DSCAM: variants seen among roughly 807,000 people sequenced by gnomAD.
DSCAM encodes cell adhesion molecule DSCAM.
In DSCAM, 47 loss-of-function variants were observed where a neutral mutation model predicts 217.7. The ratio of observed to expected loss-of-function variants is 0.22; its 90% confidence interval spans 0.17 to 0.28. The LOEUF (loss-of-function observed/expected upper bound fraction) is 0.28. Among genes scored for constraint, DSCAM ranks in the 10% least tolerant of loss-of-function variants. The pLI is 1.00. For synonymous variants in DSCAM, 1,056 were observed against 1,015.3 expected, an observed-to-expected ratio of 1.04 and a Z score of -0.76; for missense variants, 2,080 against 2,618.3, an observed-to-expected ratio of 0.79 and a Z score of 4.49.
At chr21:40,733,593 C>T (rs942397351) in intron 1 of DSCAM, among the ~76,000 whole-genome samples, 1 of 152,182 alleles carries the variant, frequency 6.6e-6, no homozygotes, top group African/African-American at 2.4e-5. Context: ...AGAAACCTTG[C>T]CTCTGAGCAT....
intron 3 of DSCAM, among the ~76,000 whole-genome samples, chr21:40,386,768 A>C (rs1333362817): frequency 2.0e-5 from 3 of 152,084 alleles, no homozygotes; most frequent in Non-Finnish European, 4.4e-5. Flanking sequence ...CTCCACTTAA[A>C]AGTGGAAACA....
rs1317090182 is a variant in DSCAM, at chr21:40,740,253, T to G, written c.44-31482A>C. Among the ~76,000 whole-genome samples the G allele has an allele frequency of 6.6e-5, 10 of 152,188 alleles. No homozygotes were observed. The East Asian group carries it at 1.7e-3, about 26-fold the overall frequency. ...TTCAAATACAGTTAGCTTTGAGCCG[T>G]GCCAATCCAAGCATGGCAGGTTTTA... is the stretch of plus-strand genomic sequence containing the variant. On this transcript the variant is annotated intron_variant, in intron 1 of 32. Transcript: ENST00000400454.
At chr21:40,474,444 C>A (rs921664078) in intron 3 of DSCAM, among the ~76,000 whole-genome samples, 1 of 151,888 alleles carries the variant, frequency 6.6e-6, no homozygotes, top group Admixed American at 6.6e-5. Flanking sequence ...TTCTTTCTTT[C>A]TTTTATTGTA....
intron 16 of DSCAM, among the ~76,000 whole-genome samples, chr21:40,152,743 A>G (rs1347746771): frequency 2.6e-5 from 4 of 152,264 alleles, no homozygotes; most frequent in Non-Finnish European, 5.9e-5. Context: ...CAGATGCATC[A>G]TCCTTTAAAG....
intron 11 of DSCAM, among the ~76,000 whole-genome samples, chr21:40,243,677 C>T (rs1274554780): frequency 6.6e-6 from 1 of 152,158 alleles, no homozygotes. Flanking sequence ...TTTTTTGCTC[C>T]TCCACACATT....
chr21:40,472,548 A>G (rs972374009), intron 3 of DSCAM, among the ~76,000 whole-genome samples: 41 of 152,358 alleles, frequency 2.7e-4, no homozygotes, highest in African/African-American at 9.1e-4. Context: ...AATCATAGTA[A>G]AACTTCATTT....
At chr21:40,298,962 G>C (rs1024730545) in intron 9 of DSCAM, among the ~76,000 whole-genome samples, 1 of 151,936 alleles carries the variant, frequency 6.6e-6, no homozygotes, top group Non-Finnish European at 1.5e-5. Context: ...AGATAAAAAC[G>C]GTCCCTAAAT....
intron 3 of DSCAM, among the ~76,000 whole-genome samples, chr21:40,549,420 T>C (rs2076612045): frequency 6.6e-6 from 1 of 152,114 alleles, no homozygotes; most frequent in African/African-American, 2.4e-5. Context: ...CATCCAGGGC[T>C]GTGAGGGTCC....
chr21:40,631,995 C>A (rs534502896), intron 3 of DSCAM, among the ~76,000 whole-genome samples: 3 of 152,216 alleles, frequency 2.0e-5, no homozygotes, highest in Non-Finnish European at 4.4e-5. Context: ...TGCCTCCCTG[C>A]GCTACTGCAC....
chr21:40,821,564 T>C (rs2091928543), intron 1 of DSCAM, among the ~76,000 whole-genome samples: 1 of 152,156 alleles, frequency 6.6e-6, no homozygotes, highest in Non-Finnish European at 1.5e-5. Flanking sequence ...CTCCTCTATG[T>C]TTATATTTAA....
intron 3 of DSCAM, among the ~76,000 whole-genome samples, chr21:40,517,945 T>C (rs1401099681): frequency 2.6e-5 from 4 of 152,094 alleles, no homozygotes; most frequent in Non-Finnish European, 5.9e-5. Flanking sequence ...CACATGGCTC[T>C]GAGTATGAGC....
intron 3 of DSCAM, among the ~76,000 whole-genome samples, chr21:40,431,200 G>A (rs1270061159): frequency 1.1e-4 from 16 of 152,178 alleles, no homozygotes; most frequent in Admixed American, 5.9e-4. Context: ...ATGTAATGGG[G>A]TGTACAACTG....
At chr21:40,514,597 C>T (rs1167588649) in intron 3 of DSCAM, among the ~76,000 whole-genome samples, 4 of 152,166 alleles carry the variant, frequency 2.6e-5, no homozygotes, top group Non-Finnish European at 2.9e-5. Context: ...TGTTCTGCAG[C>T]AACATCTAAT....
chr21:40,540,223 C>T (rs2076532797), intron 3 of DSCAM, among the ~76,000 whole-genome samples: 1 of 152,166 alleles, frequency 6.6e-6, no homozygotes, highest in Admixed American at 6.5e-5. Flanking sequence ...AAAAAACACT[C>T]TATTCATTAA....
chr21:40,323,497 C>A (rs2074282893), intron 8 of DSCAM, among the ~76,000 whole-genome samples: 1 of 151,916 alleles, frequency 6.6e-6, no homozygotes, highest in Non-Finnish European at 1.5e-5. Context: ...TATTTTCCCT[C>A]AGAACAAGGA....
chr21:40,370,558 G>T (rs1278487395), intron 3 of DSCAM, among the ~76,000 whole-genome samples: 3 of 151,598 alleles, frequency 2.0e-5, no homozygotes, highest in Non-Finnish European at 2.9e-5. Flanking sequence ...ATAATTTCTT[G>T]GTCATTTTCT....
At chr21:40,256,859 G>C (rs1372613222) in intron 11 of DSCAM, among the ~76,000 whole-genome samples, 2 of 152,088 alleles carry the variant, frequency 1.3e-5, no homozygotes, top group African/African-American at 2.4e-5. Context: ...ATGCACGTCT[G>C]CTTACACCAT....
chr21:40,769,658 C>T (rs1348045626), intron 1 of DSCAM, among the ~76,000 whole-genome samples: 2 of 152,330 alleles, frequency 1.3e-5, no homozygotes, highest in African/African-American at 4.8e-5. Flanking sequence ...GCAGGCCCCT[C>T]TCTAAGCTCT....
intron 3 of DSCAM, among the ~76,000 whole-genome samples, chr21:40,692,252 C>G (rs1285229321): frequency 6.6e-6 from 1 of 152,132 alleles, no homozygotes; most frequent in Non-Finnish European, 1.5e-5. Context: ...TTCTTGGAGG[C>G]TAAATTTAAA....
Sources: allele counts gnomAD v4.1 joint callset (sites outside exome capture counted in the v4.1 genomes callset), GRCh38; gene constraint gnomAD v4.1.1; transcripts MANE v1.5; gene names NCBI Gene and HGNC (gene_info 2026-07-23, HGNC 2026-07-21).